Variants in STXBP5 observed in about 807,000 individuals in gnomAD.
The protein encoded by STXBP5 is syntaxin-binding protein 5.
A neutral mutation model predicts 152.4 loss-of-function variants in STXBP5; 50 were observed. That is an observed-to-expected ratio of 0.33 (90% confidence interval 0.26 to 0.42). The LOEUF is 0.42. Among genes scored for constraint, STXBP5 ranks in the 10% least tolerant of loss-of-function variants. STXBP5 has a pLI of 1.00. For synonymous variants in STXBP5, 492 were observed against 494.7 expected (o/e 0.99, Z 0.07); for missense variants, 1,167 against 1,388.6 (o/e 0.84, Z 2.54).
intron 9 of STXBP5, among the ~76,000 whole-genome samples, chr6:147,297,159 A>G (rs1482524846): frequency 1.3e-5 from 2 of 152,174 alleles, no homozygotes; most frequent in South Asian, 2.1e-4. Flanking sequence ...TCTCCAAGAC[A>G]TATTATAATC....
At chr6:147,267,995 A>G (rs762412528) in intron 7 of STXBP5, among the ~76,000 whole-genome samples, 2 of 152,164 alleles carry the variant, frequency 1.3e-5, no homozygotes, top group African/African-American at 2.4e-5. Flanking sequence ...ATATAATAGG[A>G]CAGTTCATAT....
chr6:147,368,892 A>G lies in STXBP5; in HGVS notation c.3081+4726A>G, dbSNP rs549231246. Among the ~76,000 whole-genome samples, 110 of 152,106 alleles carry G rather than the reference A, an allele frequency of 7.2e-4. 2 individuals carry two copies. Among genetic ancestry groups the G allele is most frequent in the African/African-American group, 2.6e-3 (108 of 41,580 alleles). On this transcript the variant is annotated intron_variant, in intron 25 of 27. Transcript: ENST00000321680. ...TACTTTGGGATAAATCTAACAGAAAATGAAAGATCTCTACACTGAAAAACT... is the reference window on the plus strand; with the variant it reads ...TACTTTGGGATAAATCTAACAGAAAGTGAAAGATCTCTACACTGAAAAACT...
intron 26 of STXBP5, among the ~76,000 whole-genome samples, chr6:147,374,693 C>T (rs1785724444): frequency 6.6e-6 from 1 of 151,914 alleles, no homozygotes; most frequent in Non-Finnish European, 1.5e-5. Flanking sequence ...GGAAAGAAGC[C>T]CAGAGCGGAG....
At chr6:147,212,523 T>TGGGGGG (rs1248531596) in intron 2 of STXBP5, among the ~76,000 whole-genome samples, 1 of 152,164 alleles carries the variant, frequency 6.6e-6, no homozygotes, top group African/African-American at 2.4e-5. Context: ...ATGAGGAAAT[T>TGGGGGG]GGGATGTGTT....
intron 2 of STXBP5, among the ~76,000 whole-genome samples, chr6:147,220,715 A>G (rs546003071): frequency 6.6e-6 from 1 of 152,232 alleles, no homozygotes; most frequent in African/African-American, 2.4e-5. Context: ...AAAGCATGGC[A>G]TATCTTTCTT....
rs1375534405 is a variant in STXBP5, at chr6:147,388,100, C to T, written c.*3345C>T. ...TTAACTTTTGGGATTTTATTTGTTT[C>T]AGCAAAATAAAGAGCACTGAACTTT... On this transcript the variant is annotated 3_prime_UTR_variant, in exon 28 of 28. Transcript: ENST00000321680. The T allele has an allele frequency of 6.6e-6, 1 of 151,842 alleles. No homozygotes were observed. The highest frequency in any genetic ancestry group is 2.1e-4 in the South Asian group (1 of 4,830). 9.4% of individuals were successfully genotyped at this position (151,842 alleles called of 1,614,324 possible). A position where few individuals can be genotyped will look rare whatever the true frequency, so the allele number is the denominator to read the frequency against.
intron 26 of STXBP5, among the ~76,000 whole-genome samples, chr6:147,381,849 G>C (rs1786101444): frequency 6.6e-6 from 1 of 152,124 alleles, no homozygotes; most frequent in Non-Finnish European, 1.5e-5. Context: ...GAAACAGAGA[G>C]TAGATTAGTG....
intron 2 of STXBP5, among the ~76,000 whole-genome samples, chr6:147,208,814 A>T (rs1776703216): frequency 6.6e-6 from 1 of 152,158 alleles, no homozygotes; most frequent in Admixed American, 6.5e-5. Context: ...TCAAAGAAGA[A>T]AGATATATCT....
At chr6:147,288,463 C>T (rs1032834496) in intron 8 of STXBP5, among the ~76,000 whole-genome samples, 1 of 152,082 alleles carries the variant, frequency 6.6e-6, no homozygotes, top group Admixed American at 6.5e-5. Context: ...TCCCCGAACC[C>T]CTCATGTTAC....
intron 7 of STXBP5, among the ~76,000 whole-genome samples, chr6:147,271,004 A>G (rs1014596286): frequency 1.3e-5 from 2 of 152,230 alleles, no homozygotes; most frequent in African/African-American, 4.8e-5. Context: ...GTTAAGCTAA[A>G]TAGGAAATAA....
At chr6:147,253,898 C>A (rs1779225978) in intron 4 of STXBP5, among the ~76,000 whole-genome samples, 1 of 152,014 alleles carries the variant, frequency 6.6e-6, no homozygotes, top group Non-Finnish European at 1.5e-5. Context: ...CAGTGCTATC[C>A]CCATCGAGCT....
At chr6:147,329,026 G>T (rs914649196) in intron 18 of STXBP5, among the ~76,000 whole-genome samples, 3 of 151,872 alleles carry the variant, frequency 2.0e-5, no homozygotes, top group Non-Finnish European at 4.4e-5. Flanking sequence ...TGATAGAGAA[G>T]AAATATTTTT....
chr6:147,345,794 G>T (rs1002922679), intron 21 of STXBP5, among the ~76,000 whole-genome samples: 3 of 152,158 alleles, frequency 2.0e-5, no homozygotes, highest in Non-Finnish European at 4.4e-5. Flanking sequence ...TGTTTAATTT[G>T]CTTCTCTTGG....
At chr6:147,334,276 T>G in intron 19 of STXBP5, 54 bp downstream of exon 19, 2 of 1,505,420 alleles carry the variant, frequency 1.3e-6, no homozygotes, top group Admixed American at 3.6e-5. Flanking sequence ...AAATCCAAGA[T>G]AGCATACTAG....
chr6:147,329,711 C>T (rs1267131826), intron 18 of STXBP5, among the ~76,000 whole-genome samples: 5 of 140,482 alleles, frequency 3.6e-5, no homozygotes, highest in African/African-American at 8.0e-5. Context: ...CTGCAAGCTC[C>T]GCCTCCCGGG....
At chr6:147,241,686 G>A (rs1778552382) in intron 4 of STXBP5, among the ~76,000 whole-genome samples, 1 of 151,842 alleles carries the variant, frequency 6.6e-6, no homozygotes, top group African/African-American at 2.4e-5. Flanking sequence ...TAACATCATA[G>A]CATCTTATAG....
intron 2 of STXBP5, among the ~76,000 whole-genome samples, chr6:147,223,000 T>C (rs1264505071): frequency 6.6e-6 from 1 of 152,254 alleles, no homozygotes; most frequent in Non-Finnish European, 1.5e-5. Flanking sequence ...CCTGTCTGTC[T>C]TTCCAGTTTG....
intron 3 of STXBP5, among the ~76,000 whole-genome samples, chr6:147,237,147 G>A (rs1271442922): frequency 1.3e-5 from 2 of 151,744 alleles, no homozygotes; most frequent in African/African-American, 2.4e-5. Context: ...AATAAAATGC[G>A]GTAAATCATT....
At chr6:147,241,310 A>T (rs1454553269) in intron 4 of STXBP5, among the ~76,000 whole-genome samples, 1 of 152,190 alleles carries the variant, frequency 6.6e-6, no homozygotes, top group Non-Finnish European at 1.5e-5. Flanking sequence ...TAATGTTCAT[A>T]ACATAATAAG....
Sources: gnomAD v4.1 joint callset for allele counts (sites outside exome capture counted in the v4.1 genomes callset) on GRCh38, gnomAD v4.1.1 for gene constraint, MANE v1.5 for transcripts, NCBI Gene and HGNC (gene_info 2026-07-23, HGNC 2026-07-21) for gene names.